Variants in PGCKA1 observed in about 807,000 individuals in gnomAD.
PGCKA1 encodes the protein PDCD10 and GCKIII kinases associated 1.
At chr4:37,481,233 G>A in the PGCKA1 span, among the ~76,000 whole-genome samples, 1 of 151,930 alleles carries the variant, frequency 6.6e-6, no homozygotes, top group Non-Finnish European at 1.5e-5. Flanking sequence ...GGCTAGGGCC[G>A]GGTGGATCAC....
At chr4:37,578,537 G>T in the PGCKA1 span, among the ~76,000 whole-genome samples, 2 of 152,012 alleles carry the variant, frequency 1.3e-5, no homozygotes, top group Non-Finnish European at 2.9e-5. Context: ...AGCTTAGTCC[G>T]TTTACATTTG....
the PGCKA1 span, among the ~76,000 whole-genome samples, chr4:37,488,226 A>G: frequency 6.6e-6 from 1 of 152,336 alleles, no homozygotes; most frequent in South Asian, 2.1e-4. Context: ...TCCAAAATGT[A>G]TTTATTTTCC....
the PGCKA1 span, among the ~76,000 whole-genome samples, chr4:37,548,354 A>G: frequency 6.6e-6 from 1 of 152,188 alleles, no homozygotes; most frequent in Admixed American, 6.5e-5. Context: ...AGGTTAAAAA[A>G]AAGTTATTGT....
At chr4:37,544,917 G>C in the PGCKA1 span, among the ~76,000 whole-genome samples, 53 of 151,824 alleles carry the variant, frequency 3.5e-4, no homozygotes, top group African/African-American at 1.2e-3. Flanking sequence ...GAGTGCAATG[G>C]TATGATCTTG....
At chr4:37,492,946 G>T in the PGCKA1 span, among the ~76,000 whole-genome samples, 1 of 152,072 alleles carries the variant, frequency 6.6e-6, no homozygotes, top group African/African-American at 2.4e-5. This position sits in a 1 kb window ranked among gnomAD's most constrained non-coding sequence, Gnocchi z 4.7. Context: ...TCCACTGAGT[G>T]ACCACTCATC....
chr4:37,539,167 G>A, the PGCKA1 span, among the ~76,000 whole-genome samples: 1 of 152,134 alleles, frequency 6.6e-6, no homozygotes, highest in Non-Finnish European at 1.5e-5. Flanking sequence ...CCATACATGG[G>A]ATTAAGGCCC....
chr4:37,572,274 G>A, the PGCKA1 span, among the ~76,000 whole-genome samples: 1 of 150,534 alleles, frequency 6.6e-6, no homozygotes. Context: ...CACCGTTTTA[G>A]CCGGGATGGT....
chr4:37,512,743 C>T, the PGCKA1 span, among the ~76,000 whole-genome samples: 143 of 152,064 alleles, frequency 9.4e-4, no homozygotes, highest in African/African-American at 3.0e-3. Context: ...CGTGAGCCAC[C>T]GCGTCTGGCC....
At chr4:37,583,344 A>C in the PGCKA1 span, among the ~76,000 whole-genome samples, 4 of 151,618 alleles carry the variant, frequency 2.6e-5, no homozygotes, top group South Asian at 6.3e-4. Flanking sequence ...CCCTTCCCCT[A>C]CCTCCATTGC....
the PGCKA1 span, among the ~76,000 whole-genome samples, chr4:37,512,246 GTCAA>G: frequency 7.4e-6 from 1 of 135,048 alleles, no homozygotes; most frequent in Non-Finnish European, 1.6e-5. Flanking sequence ...TATAGATAGT[GTCAA>G]ACTTGGTGTT....
chr4:37,547,335 G>T, the PGCKA1 span, among the ~76,000 whole-genome samples: 1 of 152,168 alleles, frequency 6.6e-6, no homozygotes, highest in Non-Finnish European at 1.5e-5. Context: ...TTTTGGTTTG[G>T]TGTGAACTGC....
chr4:37,467,029 CA>C, the PGCKA1 span, among the ~76,000 whole-genome samples: 1 of 152,126 alleles, frequency 6.6e-6, no homozygotes, highest in Non-Finnish European at 1.5e-5. Context: ...ACCCGGGAGG[CA>C]GAGGTTGCAG....
chr4:37,499,372 C>T, the PGCKA1 span, among the ~76,000 whole-genome samples: 25 of 152,222 alleles, frequency 1.6e-4, 1 homozygote, highest in South Asian at 5.0e-3. Flanking sequence ...GGAATAGTTT[C>T]AGTAGGAATG....
the PGCKA1 span, among the ~76,000 whole-genome samples, chr4:37,530,273 G>T: frequency 7.2e-5 from 11 of 152,072 alleles, no homozygotes; most frequent in Admixed American, 2.0e-4. Context: ...CCAAGAAGAG[G>T]TGAAAATAGC....
the PGCKA1 span, among the ~76,000 whole-genome samples, chr4:37,515,919 A>C: frequency 6.6e-6 from 1 of 152,258 alleles, no homozygotes; most frequent in African/African-American, 2.4e-5. Flanking sequence ...ATCTTAACAT[A>C]CATCATTGCT....
At chr4:37,556,924 G>A in the PGCKA1 span, among the ~76,000 whole-genome samples, 3 of 152,222 alleles carry the variant, frequency 2.0e-5, no homozygotes, top group Non-Finnish European at 4.4e-5. Flanking sequence ...AGCTTAAGGA[G>A]TTACTGAACA....
chr4:37,559,903 C>T, the PGCKA1 span, among the ~76,000 whole-genome samples: 2 of 152,174 alleles, frequency 1.3e-5, no homozygotes, highest in South Asian at 2.1e-4. Context: ...ATTCTTGTTC[C>T]CCTTTGCAAA....
the PGCKA1 span, among the ~76,000 whole-genome samples, chr4:37,524,329 C>G: frequency 6.6e-6 from 1 of 152,172 alleles, no homozygotes; most frequent in African/African-American, 2.4e-5. Flanking sequence ...CTTGGGGACT[C>G]TCACAAGGTT....
the PGCKA1 span, among the ~76,000 whole-genome samples, chr4:37,481,136 G>A: frequency 1.3e-5 from 2 of 152,110 alleles, no homozygotes; most frequent in African/African-American, 4.8e-5. Flanking sequence ...ATATACATGA[G>A]ACAACTGAGT....
Sources: gnomAD v4.1 joint callset for allele counts (sites outside exome capture counted in the v4.1 genomes callset) on GRCh38, gnomAD v4.1.1 for gene constraint, Gnocchi (gnomAD v3.1) non-coding constraint, MANE v1.5 for transcripts, NCBI Gene and HGNC (gene_info 2026-07-23, HGNC 2026-07-21) for gene names.